The following AIG1 variants were observed in gnomAD, a reference collection of about 807,000 sequenced individuals.
AIG1 encodes the protein androgen induced 1, also known as androgen-induced gene 1 protein.
A neutral mutation model predicts 31.4 loss-of-function variants in AIG1; 23 were observed. That is an observed-to-expected ratio of 0.73 (90% CI 0.53 to 1.04). The LOEUF (loss-of-function observed/expected upper bound fraction) is 1.04, where lower values mean the gene tolerates loss of function less well. Ranked by LOEUF, AIG1 falls within the 50% of genes least tolerant of loss-of-function variation. The pLI is 0.00. For synonymous variants in AIG1, 100 were observed against 110.5 expected (o/e 0.90, Z 0.60); for missense variants, 274 against 295.0 (o/e 0.93, Z 0.52).
chr6:143,270,418 A>G (rs1463414256), intron 3 of AIG1, among the ~76,000 whole-genome samples: 1 of 152,202 alleles, frequency 6.6e-6, no homozygotes, highest in African/African-American at 2.4e-5. Flanking sequence ...TTCTCCACCT[A>G]TTACCTACTG....
intron 3 of AIG1, among the ~76,000 whole-genome samples, chr6:143,171,418 A>AT (rs1289131970): frequency 9.1e-6 from 1 of 109,734 alleles, no homozygotes; most frequent in Non-Finnish European, 1.7e-5. Flanking sequence ...GTGTATATAT[A>AT]TATAATATAT....
rs552271320 is a variant in AIG1 at position 143,188,567 on chromosome 6, G to A, written c.399+23384G>A. On this transcript the variant is annotated intron_variant, in intron 3 of 5. Transcript: ENST00000357847. ...AGTTTGGGGCAGTCAAGGTGGGACA[G>A]CAGAAGATTTCAGGGTACAAGTCAT... 1.3e-5 allele frequency: 13 copies of A among 985,386 alleles called. No homozygotes were observed. In the African/African-American group the frequency reaches 2.1e-4, roughly 16 times the overall value. 61.0% of individuals were successfully genotyped at this position (985,386 alleles called of 1,614,324 possible). A position where few individuals can be genotyped will look rare whatever the true frequency, so the allele number is the denominator to read the frequency against.
intron 4 of AIG1, among the ~76,000 whole-genome samples, chr6:143,296,583 G>T (rs1798441530): frequency 1.3e-5 from 2 of 152,074 alleles, no homozygotes; most frequent in African/African-American, 4.8e-5. Context: ...CCAGGCATTT[G>T]TATCTCCCAC....
intron 4 of AIG1, among the ~76,000 whole-genome samples, chr6:143,319,928 GC>G (rs1458270511): frequency 6.6e-6 from 1 of 152,002 alleles, no homozygotes; most frequent in Non-Finnish European, 1.5e-5. Flanking sequence ...AAGTGAACAG[GC>G]AACTTATGGC....
At chr6:143,276,572 A>G (rs1393928983) in intron 3 of AIG1, among the ~76,000 whole-genome samples, 1 of 152,204 alleles carries the variant, frequency 6.6e-6, no homozygotes, top group South Asian at 2.1e-4. Flanking sequence ...CCATGCTGAT[A>G]GGTAGCACCA....
chr6:143,157,179 C>T (rs1238455014), intron 2 of AIG1, among the ~76,000 whole-genome samples: 1 of 152,200 alleles, frequency 6.6e-6, no homozygotes, highest in East Asian at 1.9e-4. Flanking sequence ...TTAAAAAAGT[C>T]TTGGCAATTA....
intron 1 of AIG1, among the ~76,000 whole-genome samples, chr6:143,067,810 GT>G (rs893306854): frequency 6.6e-6 from 1 of 152,012 alleles, no homozygotes; most frequent in Admixed American, 6.6e-5. Flanking sequence ...ATTTTTTTCT[GT>G]TTTTTGTTTT....
At chr6:143,132,382 A>G (rs1783319225) in intron 1 of AIG1, among the ~76,000 whole-genome samples, 1 of 152,080 alleles carries the variant, frequency 6.6e-6, no homozygotes, top group South Asian at 2.1e-4. Flanking sequence ...CTCCATTATA[A>G]GACTTAAAAG....
chr6:143,253,987 G>T (rs752159802), intron 3 of AIG1, among the ~76,000 whole-genome samples: 2 of 152,032 alleles, frequency 1.3e-5, no homozygotes, highest in African/African-American at 2.4e-5. Context: ...GTCTTCTCTC[G>T]CTTCCTAGCT....
intron 4 of AIG1, among the ~76,000 whole-genome samples, chr6:143,332,441 A>G (rs943756220): frequency 5.9e-5 from 9 of 152,370 alleles, no homozygotes; most frequent in African/African-American, 2.2e-4. Context: ...TGATGTTACT[A>G]TTCCCACTGA....
chr6:143,254,840 C>T (rs1795267312), intron 3 of AIG1, among the ~76,000 whole-genome samples: 1 of 152,032 alleles, frequency 6.6e-6, no homozygotes, highest in Admixed American at 6.6e-5. Flanking sequence ...ATGGCAAAAC[C>T]CCGTCTCTAC....
At position 143,143,548 on chromosome 6, in the gene AIG1, TATATATAC is replaced by T. The variant is rs199940915; in HGVS notation, c.297+6560_297+6567del. On this transcript the variant is annotated intron_variant, in intron 2 of 5. Coordinates refer to ENST00000357847, the MANE Select transcript of AIG1 (RefSeq NM_016108.4). ...AAAAAAATATATATATATATATATA[TATATATAC>T]ACACACACTTAATATCTTCTGATCC... Among the ~76,000 whole-genome samples the T allele has an allele frequency of 7.3e-3, 845 of 115,068 alleles. 35 individuals carry two copies. Among genetic ancestry groups the T allele is most frequent in the African/African-American group, 0.026 (669 of 25,346 alleles). The allele number at this position is 115,068 out of a possible 152,430, so 75.5% of individuals were successfully genotyped here.
intron 1 of AIG1, among the ~76,000 whole-genome samples, chr6:143,078,831 T>C (rs1200025251): frequency 6.6e-6 from 1 of 152,166 alleles, no homozygotes; most frequent in Non-Finnish European, 1.5e-5. Context: ...TCAAACATTA[T>C]GTGGTGAGGC....
chr6:143,253,277 G>T (rs1795144468), intron 3 of AIG1, among the ~76,000 whole-genome samples: 1 of 152,154 alleles, frequency 6.6e-6, no homozygotes, highest in South Asian at 2.1e-4. Flanking sequence ...TGCTCAGTTG[G>T]AACTAAGAAC....
At chr6:143,283,303 G>C (rs1797471809) in intron 3 of AIG1, among the ~76,000 whole-genome samples, 1 of 152,144 alleles carries the variant, frequency 6.6e-6, no homozygotes, top group Non-Finnish European at 1.5e-5. Flanking sequence ...TCAGCTTCTT[G>C]GGATTCTGCC....
At chr6:143,104,418 C>T (rs929610693) in intron 1 of AIG1, among the ~76,000 whole-genome samples, 1 of 152,196 alleles carries the variant, frequency 6.6e-6, no homozygotes, top group African/African-American at 2.4e-5. Flanking sequence ...ATGGGAGTCC[C>T]TCATTCCAGG....
chr6:143,094,834 A>G (rs967200394), intron 1 of AIG1, among the ~76,000 whole-genome samples: 1 of 152,210 alleles, frequency 6.6e-6, no homozygotes, highest in African/African-American at 2.4e-5. Flanking sequence ...TCGAAAGAAC[A>G]CCAGTGAAAA....
intron 1 of AIG1, among the ~76,000 whole-genome samples, chr6:143,090,431 A>G (rs1044493921): frequency 6.6e-6 from 1 of 152,214 alleles, no homozygotes; most frequent in African/African-American, 2.4e-5. Context: ...ATCTGTTTTC[A>G]GGATGTGAGA....
intron 3 of AIG1, among the ~76,000 whole-genome samples, chr6:143,219,015 T>A (rs906932632): frequency 6.6e-6 from 1 of 152,180 alleles, no homozygotes; most frequent in African/African-American, 2.4e-5. Context: ...TGAAAACTGG[T>A]CCTGTATTCG....
Sources: gnomAD v4.1 joint callset for allele counts (sites outside exome capture counted in the v4.1 genomes callset) on GRCh38, gnomAD v4.1.1 for gene constraint, MANE v1.5 for transcripts, NCBI Gene and HGNC (gene_info 2026-07-23, HGNC 2026-07-21) for gene names.